EXT1: variants seen among roughly 807,000 people sequenced by gnomAD.
EXT1 encodes the protein exostosin glycosyltransferase 1, also known as exostosin-1.
A neutral mutation model predicts 82.5 loss-of-function variants in EXT1; 20 were observed. The ratio of observed to expected loss-of-function variants is 0.24; its 90% CI spans 0.17 to 0.35. The LOEUF (loss-of-function observed/expected upper bound fraction) is 0.35, where lower values mean the gene tolerates loss of function less well. EXT1 is among the 10% of genes least tolerant of loss of function. The pLI is 1.00. For missense variants in EXT1, 757 were observed against 936.5 expected (o/e 0.81, Z 2.50); for synonymous variants, 348 against 350.8 (o/e 0.99, Z 0.09).
At chr8:117,826,715 T>G (rs1812013394) in intron 4 of EXT1, among the ~76,000 whole-genome samples, 1 of 152,138 alleles carries the variant, frequency 6.6e-6, no homozygotes, top group South Asian at 2.1e-4. Flanking sequence ...CAATCCAATC[T>G]TGGAACTATA....
chr8:117,826,143 G>A (rs928229604), intron 4 of EXT1, among the ~76,000 whole-genome samples: 4 of 152,188 alleles, frequency 2.6e-5, no homozygotes, highest in African/African-American at 9.7e-5. Flanking sequence ...TTACCAAGAT[G>A]CAGCATTAGA....
At chr8:117,859,122 T>C (rs1159285113) in intron 1 of EXT1, among the ~76,000 whole-genome samples, 1 of 152,238 alleles carries the variant, frequency 6.6e-6, no homozygotes, top group African/African-American at 2.4e-5. Flanking sequence ...GACTACAATA[T>C]AGTGTAAATA....
intron 1 of EXT1, among the ~76,000 whole-genome samples, chr8:117,870,823 T>TCTCACACACACACACACACACACA (rs150568638): frequency 1.3e-3 from 187 of 146,860 alleles, no homozygotes; most frequent in African/African-American, 4.6e-3. Flanking sequence ...AAATGCTTTG[T>TCTCACACACACACACACACACACA]CACACACACA....
intron 1 of EXT1, among the ~76,000 whole-genome samples, chr8:117,990,230 G>A (rs1333616994): frequency 6.6e-6 from 1 of 152,170 alleles, no homozygotes; most frequent in East Asian, 1.9e-4. Context: ...TTCCTATAGA[G>A]AAAGTTATCT....
chr8:117,940,150 T>C (rs1814244153), intron 1 of EXT1, among the ~76,000 whole-genome samples: 2 of 152,254 alleles, frequency 1.3e-5, no homozygotes, highest in Admixed American at 1.3e-4. Flanking sequence ...GCAGCCAGAA[T>C]GTCATCCAAG....
At chr8:118,045,624 G>A (rs927501249) in intron 1 of EXT1, among the ~76,000 whole-genome samples, 5 of 151,402 alleles carry the variant, frequency 3.3e-5, no homozygotes, top group South Asian at 2.1e-4. Context: ...GTCATCCATC[G>A]TGAATGTTAC....
intron 1 of EXT1, among the ~76,000 whole-genome samples, chr8:117,989,249 C>A (rs1163754181): frequency 6.6e-6 from 1 of 151,606 alleles, no homozygotes; most frequent in Non-Finnish European, 1.5e-5. Flanking sequence ...TCCCCCCACC[C>A]CCATCCCACT....
intron 1 of EXT1, among the ~76,000 whole-genome samples, chr8:118,058,483 T>C (rs1816830489): frequency 6.6e-6 from 1 of 152,154 alleles, no homozygotes; most frequent in Non-Finnish European, 1.5e-5. Flanking sequence ...TCCTAACACC[T>C]TCTCATAAAA....
chr8:117,896,971 C>A (rs191600622), intron 1 of EXT1, among the ~76,000 whole-genome samples: 1 of 152,246 alleles, frequency 6.6e-6, no homozygotes, highest in East Asian at 1.9e-4. Context: ...TGTTTCCCTT[C>A]ACCCCCACTT....
In EXT1 at chr8:118,111,680, CGCGGCGGCCCGGCTGGAGGCGGCGGCG is replaced by C; in HGVS notation, c.-661_-635del. The C allele has an allele frequency of 3.5e-6, 1 of 283,406 alleles. No individual in the cohort carries two copies. The highest frequency in any genetic ancestry group is 6.6e-6 in the Non-Finnish European group (1 of 152,324). 17.6% of individuals were successfully genotyped at this position (283,406 alleles called of 1,614,324 possible). On this transcript the variant is annotated 5_prime_UTR_variant, in exon 1 of 11. Coordinates refer to ENST00000378204, the MANE Select transcript of EXT1 (RefSeq NM_000127.3). ...GCTCGCGGGGCCGGCCCCCGGGACG[CGCGGCGGCCCGGCTGGAGGCGGCGGCG>C]GCGGCGGCGCTGGGTGGCGGCGGCG...
At chr8:117,987,319 G>A (rs1815343103) in intron 1 of EXT1, among the ~76,000 whole-genome samples, 1 of 152,150 alleles carries the variant, frequency 6.6e-6, no homozygotes, top group South Asian at 2.1e-4. Flanking sequence ...CCAGACACTG[G>A]GAAAACCCCA....
chr8:117,829,431 G>C (rs1812059679), intron 4 of EXT1, among the ~76,000 whole-genome samples: 1 of 152,136 alleles, frequency 6.6e-6, no homozygotes, highest in Admixed American at 6.5e-5. Context: ...TTGCCACATT[G>C]ACGCTGGTTG....
At chr8:118,107,522 G>A (rs913218593) in intron 1 of EXT1, among the ~76,000 whole-genome samples, 10 of 152,064 alleles carry the variant, frequency 6.6e-5, no homozygotes, top group African/African-American at 2.2e-4. Context: ...CACCCAAAAC[G>A]CTAGAGAGAC....
At chr8:118,005,546 C>T (rs1490685040) in intron 1 of EXT1, among the ~76,000 whole-genome samples, 2 of 152,152 alleles carry the variant, frequency 1.3e-5, no homozygotes, top group East Asian at 3.8e-4. Context: ...ATTGTCTAAT[C>T]TTTTCATTTA....
intron 1 of EXT1, among the ~76,000 whole-genome samples, chr8:118,063,053 CT>C (rs1372501121): frequency 1.3e-5 from 2 of 152,002 alleles, no homozygotes; most frequent in African/African-American, 4.8e-5. Context: ...TAAATACAAA[CT>C]TTTTGACAGA....
chr8:117,945,053 T>A (rs1195851813), intron 1 of EXT1, among the ~76,000 whole-genome samples: 1 of 152,148 alleles, frequency 6.6e-6, no homozygotes, highest in Non-Finnish European at 1.5e-5. Flanking sequence ...TCCCAGCTAC[T>A]CAGGAGGCTG....
intron 1 of EXT1, among the ~76,000 whole-genome samples, chr8:117,867,786 A>G (rs1812800194): frequency 6.6e-6 from 1 of 152,170 alleles, no homozygotes; most frequent in Admixed American, 6.5e-5. Context: ...ATACCTATCA[A>G]CCAACCAGCC....
chr8:117,865,629 T>C (rs960090610), intron 1 of EXT1, among the ~76,000 whole-genome samples: 7 of 152,234 alleles, frequency 4.6e-5, no homozygotes, highest in African/African-American at 4.8e-5. Flanking sequence ...AATGTAGTTA[T>C]AGATAAGATT....
At chr8:118,069,991 A>T (rs1406224525) in intron 1 of EXT1, among the ~76,000 whole-genome samples, 1 of 152,186 alleles carries the variant, frequency 6.6e-6, no homozygotes, top group African/African-American at 2.4e-5. Flanking sequence ...TGAGGCTTTA[A>T]GCAGAAAAGG....
Sources: gnomAD v4.1 joint callset for allele counts (sites outside exome capture counted in the v4.1 genomes callset) on GRCh38, gnomAD v4.1.1 for gene constraint, MANE v1.5 for transcripts, NCBI Gene and HGNC (gene_info 2026-07-23, HGNC 2026-07-21) for gene names.